SLC39A11: variants seen among roughly 807,000 people sequenced by gnomAD.
The protein encoded by SLC39A11 is zinc transporter ZIP11.
SLC39A11 carries 33 observed loss-of-function variants against 36.1 expected under a neutral mutation model. That is an observed-to-expected ratio of 0.91 (90% CI 0.69 to 1.22). SLC39A11 has a LOEUF of 1.22. Among genes scored for constraint, SLC39A11 ranks in the 50% most tolerant of loss-of-function variants. The probability of loss-of-function intolerance (pLI) is 0.00; values close to 1 mark genes in which losing one functional copy is unlikely to be tolerated. For missense variants in SLC39A11, 432 were observed against 430.3 expected, an observed-to-expected ratio of 1.00 and a Z score of -0.03; for synonymous variants, 166 against 170.3, an observed-to-expected ratio of 0.97 and a Z score of 0.20.
At chr17:73,060,262 T>TTA (rs1555697988) in intron 3 of SLC39A11, among the ~76,000 whole-genome samples, 1 of 114,248 alleles carries the variant, frequency 8.8e-6, no homozygotes, top group Non-Finnish European at 1.9e-5. Flanking sequence ...GAAAACAAGG[T>TTA]AAAAAAAAAA....
intron 3 of SLC39A11, among the ~76,000 whole-genome samples, chr17:73,049,315 T>C (rs1379929914): frequency 5.3e-5 from 8 of 152,146 alleles, no homozygotes; most frequent in Non-Finnish European, 1.0e-4. Flanking sequence ...TGCGAAAGGA[T>C]GCAGGAAAGG....
chr17:72,785,052 G>C (rs1194821122), intron 6 of SLC39A11, among the ~76,000 whole-genome samples: 1 of 151,972 alleles, frequency 6.6e-6, no homozygotes, highest in African/African-American at 2.4e-5. Context: ...ATTTTTAGTA[G>C]AGATGGAGTT....
At chr17:73,025,256 A>G (rs758001558) in intron 4 of SLC39A11, among the ~76,000 whole-genome samples, 15 of 152,172 alleles carry the variant, frequency 9.9e-5, no homozygotes, top group Non-Finnish European at 1.9e-4. Flanking sequence ...TCAGGGTCAC[A>G]GGCACCTGTT....
At chr17:72,658,757 A>T (rs2070267969) in intron 7 of SLC39A11, among the ~76,000 whole-genome samples, 1 of 152,014 alleles carries the variant, frequency 6.6e-6, no homozygotes, top group South Asian at 2.1e-4. Flanking sequence ...GCTACAGATC[A>T]CTCAGCCTTT....
chr17:72,759,685 A>T (rs1260920637), intron 6 of SLC39A11, among the ~76,000 whole-genome samples: 1 of 152,220 alleles, frequency 6.6e-6, no homozygotes, highest in African/African-American at 2.4e-5. Flanking sequence ...GACATAAAAA[A>T]TTCATGAGAA....
chr17:73,031,528 C>T (rs752883826), intron 4 of SLC39A11, 28 bp downstream of exon 4: 29 of 1,612,544 alleles, frequency 1.8e-5, no homozygotes, highest in East Asian at 6.7e-5. Flanking sequence ...TATCCCGATA[C>T]GACAGCTAAA....
At chr17:72,756,516 T>C (rs1462908666) in intron 6 of SLC39A11, among the ~76,000 whole-genome samples, 2 of 152,094 alleles carry the variant, frequency 1.3e-5, no homozygotes, top group Non-Finnish European at 2.9e-5. Flanking sequence ...TTATGCTGAG[T>C]GAAATAAGCC....
rs184585507 is a variant in SLC39A11, at chr17:72,805,502, T to A, written c.601+44132A>T. On this transcript the variant is annotated intron_variant, in intron 6 of 9. Coordinates refer to ENST00000255559, the MANE Select transcript of SLC39A11 (RefSeq NM_139177.4). ...TGGCCACCTACAGTGCCCGATCTTC[T>A]GTGGCCAGATGTGCTGTCAAGGCAG... Among the ~76,000 whole-genome samples the A allele has an allele frequency of 2.0e-3, 305 of 152,334 alleles. 2 individuals are homozygous for A. The highest frequency in any genetic ancestry group is 6.9e-3 in the African/African-American group (285 of 41,574).
intron 4 of SLC39A11, among the ~76,000 whole-genome samples, chr17:73,016,937 C>T (rs771064131): frequency 6.6e-6 from 1 of 152,144 alleles, no homozygotes; most frequent in Non-Finnish European, 1.5e-5. Context: ...TCCACTTAAG[C>T]GCCTGTTAAT....
At chr17:72,918,722 C>T (rs928690336) in intron 5 of SLC39A11, among the ~76,000 whole-genome samples, 5 of 152,292 alleles carry the variant, frequency 3.3e-5, no homozygotes, top group African/African-American at 9.6e-5. Context: ...AGTCAGCCTG[C>T]GGAGCACCTC....
chr17:72,872,403 C>G (rs943363413), intron 5 of SLC39A11, among the ~76,000 whole-genome samples: 4 of 152,138 alleles, frequency 2.6e-5, no homozygotes, highest in Non-Finnish European at 5.9e-5. Context: ...ATTCGACAGA[C>G]GGGTACAACC....
intron 6 of SLC39A11, among the ~76,000 whole-genome samples, chr17:72,752,119 C>A (rs982567089): frequency 1.3e-5 from 2 of 152,166 alleles, no homozygotes; most frequent in African/African-American, 2.4e-5. Context: ...TAACCTCCTA[C>A]GGGATGTGTG....
In SLC39A11 at chr17:72,755,800, C is replaced by T. The variant is rs549962537; in HGVS notation, c.602-19081G>A. ...CCAAAATTCAGGACACAGGGTGCTT[C>T]TCTCCTCAGCTGCCACCACGTGGAA... On this transcript the variant is annotated intron_variant, in intron 6 of 9. Transcript: ENST00000255559. Among the ~76,000 whole-genome samples, 25 of 152,300 alleles carry T rather than the reference C, an allele frequency of 1.6e-4. No homozygotes were observed. In the South Asian group the frequency reaches 5.2e-3, roughly 32 times the overall value.
chr17:73,077,297 A>C (rs2060355075), intron 3 of SLC39A11, among the ~76,000 whole-genome samples: 1 of 151,976 alleles, frequency 6.6e-6, no homozygotes, highest in Admixed American at 6.6e-5. Context: ...TTGTGCAACT[A>C]CCTCATATTC....
chr17:72,926,534 C>T (rs556836220), intron 5 of SLC39A11, among the ~76,000 whole-genome samples: 4 of 152,180 alleles, frequency 2.6e-5, no homozygotes, highest in African/African-American at 9.6e-5. Context: ...GGGGATGTTG[C>T]TGTTGTTGCT....
chr17:72,747,307 C>T (rs2074978047), intron 6 of SLC39A11, among the ~76,000 whole-genome samples: 1 of 152,214 alleles, frequency 6.6e-6, no homozygotes, highest in Admixed American at 6.5e-5. Context: ...CACACCACTG[C>T]ACCCAGCTAA....
rs1555631664 is a variant in SLC39A11 at position 72,665,398 on chromosome 17, T to TTTTTTTG, written c.672-16131_672-16130insCAAAAAA. Among the ~76,000 whole-genome samples, 47 of 130,256 alleles carry TTTTTTTG rather than the reference T, an allele frequency of 3.6e-4. 1 individual carries two copies. The highest frequency in any genetic ancestry group is 9.0e-4 in the Admixed American group (11 of 12,178). 85.5% of individuals were successfully genotyped at this position (130,256 alleles called of 152,430 possible). A position where few individuals can be genotyped will look rare whatever the true frequency, so the allele number is the denominator to read the frequency against. On this transcript the variant is annotated intron_variant, in intron 7 of 9. Coordinates refer to ENST00000255559, the MANE Select transcript of SLC39A11 (RefSeq NM_139177.4). ...CACCAAGTTTTGAGGTGTTTTTTTT[T>TTTTTTTG]TTTTTTTTTTTTGAGACAGGGTCTT... is the stretch of plus-strand genomic sequence containing the variant.
At chr17:72,661,326 C>T (rs918423747) in intron 7 of SLC39A11, among the ~76,000 whole-genome samples, 5 of 152,102 alleles carry the variant, frequency 3.3e-5, no homozygotes, top group Non-Finnish European at 5.9e-5. Context: ...TCGAGGTGCA[C>T]GCTCTCAGGA....
rs2078168985 is a variant in SLC39A11 at position 72,829,329 on chromosome 17, G to A, written c.601+20305C>T. Among the ~76,000 whole-genome samples, 3 of 148,716 alleles carry A rather than the reference G, an allele frequency of 2.0e-5. No individual in the cohort carries two copies. In the South Asian group the frequency reaches 6.4e-4, roughly 32 times the overall value. ...TTGCCTCACTGCAGTCCAGCTGGGA[G>A]ACAGAGCGAGCCTCTGTCTCAAAAA... On this transcript the variant is annotated intron_variant, in intron 6 of 9. Transcript: ENST00000255559.
Sources: gnomAD v4.1 joint callset for allele counts (sites outside exome capture counted in the v4.1 genomes callset) on GRCh38, gnomAD v4.1.1 for gene constraint, MANE v1.5 for transcripts, NCBI Gene and HGNC (gene_info 2026-07-23, HGNC 2026-07-21) for gene names.